The following KIDINS220 variants were observed in gnomAD, a reference collection of about 807,000 sequenced individuals.
KIDINS220 encodes the protein kinase D-interacting substrate of 220 kDa.
A neutral mutation model predicts 157.6 loss-of-function variants in KIDINS220; 63 were observed. The observed-to-expected ratio is 0.40, with a 90% confidence interval of 0.33 to 0.49. KIDINS220 has a LOEUF of 0.49. Ranked by LOEUF, KIDINS220 falls within the 20% of genes least tolerant of loss-of-function variation. KIDINS220 has a pLI of 0.66. For synonymous variants in KIDINS220, 732 were observed against 783.6 expected (o/e 0.93, Z 1.10); for missense variants, 1,772 against 2,171.2 (o/e 0.82, Z 3.65).
At chr2:8,763,587 GC>G (rs1669062245) in intron 22 of KIDINS220, among the ~76,000 whole-genome samples, 1 of 152,152 alleles carries the variant, frequency 6.6e-6, no homozygotes, top group African/African-American at 2.4e-5. Flanking sequence ...ATTAGACTGT[GC>G]CCTGCATATA....
At position 8,730,927 on chromosome 2, in the gene KIDINS220, C is replaced by T; in HGVS notation, c.5109G>A (p.Glu1703=). The T allele has an allele frequency of 4.3e-6, 7 of 1,614,216 alleles. No homozygotes were observed. The highest frequency in any genetic ancestry group is 5.9e-6 in the Non-Finnish European group (7 of 1,180,042). The change falls in exon 30 of 30, where the codon GAG becomes GAA. Residue 1703 remains glutamate (E), a synonymous_variant. Transcript: ENST00000256707. ...NRANQNFDEM[E]GIRETSQVIL... The stretch of plus-strand genomic sequence containing the variant: ...TGACTTGAGAAGTCTCCCTAATTCC[C>T]TCCATCTCATCGAAATTTTGATTGG...
In KIDINS220 at chr2:8,730,545, C is replaced by G; in HGVS notation, c.*175G>C. The G allele has an allele frequency of 7.0e-7, 1 of 1,428,746 alleles. No individual in the cohort carries two copies. The highest frequency in any genetic ancestry group is 9.1e-7 in the Non-Finnish European group (1 of 1,098,738). 88.5% of individuals were successfully genotyped at this position (1,428,746 alleles called of 1,614,324 possible). A position where few individuals can be genotyped will look rare whatever the true frequency, so the allele number is the denominator to read the frequency against. ...AGACCACAGAGGCTGGCTGGTGAGC[C>G]ATGCTTCTCATGCTCCCTTCTGTCA... On this transcript the variant is annotated 3_prime_UTR_variant, in exon 30 of 30. Transcript: ENST00000256707.
chr2:8,776,691 G>A, intron 21 of KIDINS220, 57 bp downstream of exon 21: 5 of 1,469,276 alleles, frequency 3.4e-6, no homozygotes, highest in Non-Finnish European at 4.7e-6. Context: ...GAAATTAAAT[G>A]GTTTTGTGAA....
chr2:8,834,933 C>A (rs981106833), intron 1 of KIDINS220, among the ~76,000 whole-genome samples: 1 of 152,204 alleles, frequency 6.6e-6, no homozygotes, highest in Non-Finnish European at 1.5e-5. Flanking sequence ...ACTCAAACTC[C>A]TGGACTCAAG....
At chr2:8,830,662 G>A (rs1310604184) in intron 1 of KIDINS220, among the ~76,000 whole-genome samples, 1 of 152,040 alleles carries the variant, frequency 6.6e-6, no homozygotes, top group Admixed American at 6.5e-5. Flanking sequence ...CAAGTGATGC[G>A]CCTGCCTCTG....
intron 26 of KIDINS220, among the ~76,000 whole-genome samples, chr2:8,738,164 A>G (rs927880659): frequency 2.0e-5 from 3 of 152,266 alleles, no homozygotes; most frequent in African/African-American, 7.2e-5. Flanking sequence ...AATTTCCATG[A>G]GTCCATAGTA....
intron 24 of KIDINS220, 104 bp from the exon 25 acceptor site, chr2:8,748,104 T>C: frequency 1.9e-6 from 1 of 530,298 alleles, no homozygotes; most frequent in Non-Finnish European, 3.1e-6. Flanking sequence ...AAAACTTTAA[T>C]GCAAATGACA....
At chr2:8,771,204 T>C (rs1670179919) in intron 21 of KIDINS220, among the ~76,000 whole-genome samples, 1 of 152,164 alleles carries the variant, frequency 6.6e-6, no homozygotes, top group Non-Finnish European at 1.5e-5. Context: ...TCCTCTAAAG[T>C]GCCATCTGCT....
At chr2:8,765,472 A>C (rs1195709244) in intron 22 of KIDINS220, among the ~76,000 whole-genome samples, 1 of 152,202 alleles carries the variant, frequency 6.6e-6, no homozygotes, top group African/African-American at 2.4e-5. Flanking sequence ...TGATACAAAA[A>C]GTTGGCTATA....
At position 8,750,114 on chromosome 2, in the gene KIDINS220, TGTTGTAGAA is replaced by T; in HGVS notation, c.3403_3411del (p.Phe1135_Asn1137del). 3 of 1,613,136 alleles carry T rather than the reference TGTTGTAGAA, an allele frequency of 1.9e-6. No homozygotes were observed. Among genetic ancestry groups the T allele is most frequent in the Non-Finnish European group, 2.5e-6 (3 of 1,179,304 alleles). ...AAAGCTGCCTCCAACTTCCTTACCC[TGTTGTAGAA>T]GGGATGCTGAGGGCCCGTCATGCCG... On this transcript the variant is annotated inframe_deletion, in exon 24 of 30. Coordinates refer to ENST00000256707, the MANE Select transcript of KIDINS220 (RefSeq NM_020738.4).
intron 3 of KIDINS220, among the ~76,000 whole-genome samples, chr2:8,818,189 AT>A (rs1242906422): frequency 6.6e-6 from 1 of 152,218 alleles, no homozygotes; most frequent in Non-Finnish European, 1.5e-5. Context: ...TAACTGTAAT[AT>A]AATTCAAATG....
intron 22 of KIDINS220, among the ~76,000 whole-genome samples, chr2:8,765,792 C>G (rs1161650349): frequency 1.3e-5 from 2 of 152,190 alleles, no homozygotes; most frequent in Admixed American, 6.5e-5. Context: ...CAGCCTCCAA[C>G]TCCCAGGCTC....
At chr2:8,727,058 C>A, downstream of KIDINS220, 6 of 991,374 alleles carry the variant, frequency 6.1e-6, no homozygotes, top group Non-Finnish European at 8.2e-6. Context: ...CCAGTGCTGG[C>A]TGTTGTCTAT....
intron 22 of KIDINS220, among the ~76,000 whole-genome samples, chr2:8,756,010 A>C (rs1300956093): frequency 6.6e-6 from 1 of 152,226 alleles, no homozygotes; most frequent in East Asian, 1.9e-4. Context: ...TGTTTCTGCA[A>C]AACAAGGCTA....
intron 15 of KIDINS220, among the ~76,000 whole-genome samples, chr2:8,786,616 C>T (rs551498923): frequency 3.3e-5 from 5 of 151,988 alleles, no homozygotes; most frequent in East Asian, 1.9e-4. Context: ...TAAGGACAGG[C>T]GGGGGAAAGT....
In KIDINS220 at chr2:8,813,267, A is replaced by G; in HGVS notation, c.375T>C (p.Ser125=). Residue 125 remains serine, a synonymous_variant, in exon 5 of 30, where the codon TCT becomes TCC. Coordinates refer to ENST00000256707, the MANE Select transcript of KIDINS220 (RefSeq NM_020738.4). ...CAGTGACACTTGGATTGGCACCATG[A>G]GAAAGAAGCAACTCTACTACGTCAG... The part of the protein sequence containing the change: ...GRTDVVELLL[S]HGANPSVTGL... 1 of 1,613,480 alleles carries G rather than the reference A, an allele frequency of 6.2e-7. No homozygotes were observed.
intron 2 of KIDINS220, among the ~76,000 whole-genome samples, chr2:8,821,259 G>C (rs1677912072): frequency 6.6e-6 from 1 of 151,822 alleles, no homozygotes; most frequent in Admixed American, 6.6e-5. Context: ...GATTAGAATT[G>C]TCATTATTTT....
intron 11 of KIDINS220, among the ~76,000 whole-genome samples, chr2:8,796,067 CCT>C (rs1400449269): frequency 3.9e-5 from 6 of 152,026 alleles, no homozygotes; most frequent in Admixed American, 1.3e-4. Flanking sequence ...CTCGTGACTC[CCT>C]GTTTTTGTTT....
At chr2:8,802,609 C>T (rs1490389045) in intron 8 of KIDINS220, among the ~76,000 whole-genome samples, 1 of 152,078 alleles carries the variant, frequency 6.6e-6, no homozygotes, top group Non-Finnish European at 1.5e-5. Context: ...TCAAGTGGAG[C>T]GTTCAGGTAG....
Sources: allele counts gnomAD v4.1 joint callset (sites outside exome capture counted in the v4.1 genomes callset), GRCh38; gene constraint gnomAD v4.1.1; transcripts MANE v1.5; gene names NCBI Gene and HGNC (gene_info 2026-07-23, HGNC 2026-07-21).